Variants in SASS6 observed in about 807,000 individuals in gnomAD.
SASS6 encodes SAS-6 centriolar assembly protein.
Under a neutral mutation model 94.9 loss-of-function variants are expected in SASS6, and 59 were observed. The ratio of observed to expected loss-of-function variants is 0.62; its 90% CI spans 0.50 to 0.77. The LOEUF is 0.77. SASS6 is among the 30% of genes least tolerant of loss of function. The pLI is 0.00. For synonymous variants in SASS6, 264 were observed against 270.0 expected, an observed-to-expected ratio of 0.98 and a Z score of 0.22; for missense variants, 698 against 734.1, an observed-to-expected ratio of 0.95 and a Z score of 0.57.
chr1:100,099,867 G>C (rs1375816291), intron 14 of SASS6, among the ~76,000 whole-genome samples: 1 of 152,054 alleles, frequency 6.6e-6, no homozygotes, highest in Non-Finnish European at 1.5e-5. Context: ...CTTTCAACCA[G>C]ATTAAAAGAA....
chr1:100,109,393 A>G (rs935268042), intron 8 of SASS6, among the ~76,000 whole-genome samples: 1 of 152,070 alleles, frequency 6.6e-6, no homozygotes, highest in Admixed American at 6.6e-5. Context: ...AATAATTCAT[A>G]TGACAATAAT....
intron 7 of SASS6, among the ~76,000 whole-genome samples, chr1:100,117,636 G>C (rs1653895555): frequency 6.6e-6 from 1 of 150,822 alleles, no homozygotes. Context: ...CTGAGCGACA[G>C]AGCGAGACTC....
Position 100,107,419 on chromosome 1 carries a change from C to CTT in SASS6, c.1279_1280dup (p.Glu428ArgfsTer24). On this transcript the variant is annotated frameshift_variant, in exon 11 of 17. Coordinates refer to ENST00000287482, the MANE Select transcript of SASS6 (RefSeq NM_194292.3). LOFTEE classifies it high-confidence loss of function. ...GAGACTGTCCAACATCTTGTAATTC[C>CTT]TTTTGTTCCTTTTGTAATTTTTCCT... 1 of 1,609,320 alleles carries CTT rather than the reference C, an allele frequency of 6.2e-7. No homozygotes were observed. The highest frequency in any genetic ancestry group is 8.5e-7 in the Non-Finnish European group (1 of 1,176,242).
rs536556759 is a variant in SASS6, at chr1:100,132,660, A to T, written c.65+90T>A. On this transcript the variant is annotated intron_variant, in intron 1 of 16. Coordinates refer to ENST00000287482, the MANE Select transcript of SASS6 (RefSeq NM_194292.3). ...GGGGGCCGACTCGACACCTAGGTGCAAGGTGGATCCCACGGGCCAGAACCG... is the reference window on the plus strand; with the variant it reads ...GGGGGCCGACTCGACACCTAGGTGCTAGGTGGATCCCACGGGCCAGAACCG... 5 of 1,080,296 alleles carry T rather than the reference A, an allele frequency of 4.6e-6. No individual in the cohort carries two copies. In the South Asian group the frequency reaches 6.2e-5, roughly 13 times the overall value. The allele number at this position is 1,080,296 out of a possible 1,614,324, so 66.9% of individuals were successfully genotyped here.
In SASS6 at chr1:100,083,904, C is replaced by G. The variant is rs1399846726; in HGVS notation, c.*1424G>C. Reference sequence around the variant, plus strand: ...TATATATATTACATAGTATTTACAACAAAGCCCCTTCCATAGTATTTACAA... The same window carrying G: ...TATATATATTACATAGTATTTACAAGAAAGCCCCTTCCATAGTATTTACAA... On this transcript the variant is annotated 3_prime_UTR_variant, in exon 17 of 17. Coordinates refer to ENST00000287482, the MANE Select transcript of SASS6 (RefSeq NM_194292.3). 3 of 150,686 alleles carry G rather than the reference C, an allele frequency of 2.0e-5. No homozygotes were observed. Among genetic ancestry groups the G allele is most frequent in the African/African-American group, 5.0e-5 (2 of 40,250 alleles). 9.3% of individuals were successfully genotyped at this position (150,686 alleles called of 1,614,324 possible). A position where few individuals can be genotyped will look rare whatever the true frequency, so the allele number is the denominator to read the frequency against.
chr1:100,097,692 G>A (rs1044429624), intron 14 of SASS6, among the ~76,000 whole-genome samples: 1 of 152,144 alleles, frequency 6.6e-6, no homozygotes, highest in Non-Finnish European at 1.5e-5. Context: ...ACCTGGGCAT[G>A]GTGGCACACA....
At chr1:100,126,331 T>A (rs1470230388) in intron 1 of SASS6, among the ~76,000 whole-genome samples, 1 of 152,228 alleles carries the variant, frequency 6.6e-6, no homozygotes, top group Non-Finnish European at 1.5e-5. Flanking sequence ...TTTTGAGGAT[T>A]AAATGAGGTA....
At chr1:100,092,611 T>C (rs139751899) in intron 14 of SASS6, among the ~76,000 whole-genome samples, 2 of 152,176 alleles carry the variant, frequency 1.3e-5, no homozygotes, top group African/African-American at 4.8e-5. Flanking sequence ...AGTCTCGCTC[T>C]GTCACCCAGG....
chr1:100,085,425 C>G lies in SASS6; in HGVS notation c.1877G>C (p.Arg626Thr), dbSNP rs754276622. 20 of 1,607,440 alleles carry G rather than the reference C, an allele frequency of 1.2e-5. No individual in the cohort carries two copies. The highest frequency in any genetic ancestry group is 1.5e-5 in the Non-Finnish European group (18 of 1,174,084). Residue 626 changes from arginine (R) to threonine (T), a missense_variant, in exon 17 of 17, where the codon AGA (arginine) becomes ACA (threonine). Transcript: ENST00000287482. ...QNLFSNSDHQ[R>T]DGTLGALHTS... ...ATGTAATGCTCCTAAAGTGCCATCT[C>G]TCTGATGGTCTGCAAATGAGGACAA...
chr1:100,102,938 T>C lies in SASS6; in HGVS notation c.1674+17A>G. 1 of 1,593,648 alleles carries C rather than the reference T, an allele frequency of 6.3e-7. No homozygotes were observed. The highest frequency in any genetic ancestry group is 8.6e-7 in the Non-Finnish European group (1 of 1,168,762). On this transcript the variant is annotated intron_variant, in intron 14 of 16. Coordinates refer to ENST00000287482, the MANE Select transcript of SASS6 (RefSeq NM_194292.3). ...GCTATATTTTTTCCCAGAACAAGTA[T>C]TAGTTAATTTGGCTACCTTTGTTCC...
In SASS6 at chr1:100,107,945, A is replaced by T. The variant is rs202147382; in HGVS notation, c.921T>A (p.Asp307Glu). Residue 307 changes from aspartate to glutamate, a missense_variant, in exon 9 of 17, where the codon GAT (aspartate) becomes GAA (glutamate). Asp to Glu is a conservative substitution (Grantham distance 45). Coordinates refer to ENST00000287482, the MANE Select transcript of SASS6 (RefSeq NM_194292.3). ...LSLRRENSTL[D>E]VECHEKEKHV... ...GCTTTTCTTTCTCGTGGCATTCAAC[A>T]TCTAGTGTAGAATTCTCTCTTCGCA... 2 of 1,612,968 alleles carry T rather than the reference A, an allele frequency of 1.2e-6. No homozygotes were observed.
At position 100,121,486 on chromosome 1, in the gene SASS6, C is replaced by T. The variant is rs1161552219; in HGVS notation, c.375G>A (p.Val125=). 1 of 1,597,966 alleles carries T rather than the reference C, an allele frequency of 6.3e-7. No homozygotes were observed. Among genetic ancestry groups the T allele is most frequent in the African/African-American group, 1.3e-5 (1 of 74,370 alleles). The part of the protein sequence containing the change: ...ILDNSPAFLN[V]VETNPFKHLT... ...GATGCTTAAAAGGATTTGTCTCTACCACATTTAAAAATGCAGGTGAGTTAT... is the reference window on the plus strand; with the variant it reads ...GATGCTTAAAAGGATTTGTCTCTACTACATTTAAAAATGCAGGTGAGTTAT... Residue 125 remains valine (V), a synonymous_variant, in exon 5 of 17, where the codon GTG becomes GTA. Coordinates refer to ENST00000287482, the MANE Select transcript of SASS6 (RefSeq NM_194292.3).
intron 14 of SASS6, among the ~76,000 whole-genome samples, chr1:100,094,928 T>C (rs1652011790): frequency 6.7e-6 from 1 of 149,834 alleles, no homozygotes; most frequent in Admixed American, 6.6e-5. Flanking sequence ...ATAAAAAGAA[T>C]ACACCATGAC....
chr1:100,094,215 T>C (rs1651957226), intron 14 of SASS6, among the ~76,000 whole-genome samples: 1 of 152,176 alleles, frequency 6.6e-6, no homozygotes, highest in Non-Finnish European at 1.5e-5. Context: ...ATTAAATGAT[T>C]TAATCCTGTG....
chr1:100,102,615 C>A (rs371316220), intron 14 of SASS6, among the ~76,000 whole-genome samples: 2 of 147,860 alleles, frequency 1.4e-5, no homozygotes, highest in African/African-American at 2.5e-5. Flanking sequence ...GAGGCAGAGG[C>A]TGCAGTGAGC....
At position 100,107,723 on chromosome 1, in the gene SASS6, A is replaced by C; in HGVS notation, c.1057-6T>G. On this transcript the variant is annotated splice_region_variant and splice_polypyrimidine_tract_variant and intron_variant, in intron 9 of 16. Coordinates refer to ENST00000287482, the MANE Select transcript of SASS6 (RefSeq NM_194292.3). ...CCATTTTCTTCTAAAACCACCTGATATATTTTTTAAAAACATGAATAATTA... is the reference window on the plus strand; with the variant it reads ...CCATTTTCTTCTAAAACCACCTGATCTATTTTTTAAAAACATGAATAATTA... 1 of 1,581,910 alleles carries C rather than the reference A, an allele frequency of 6.3e-7. No homozygotes were observed. The highest frequency in any genetic ancestry group is 8.6e-7 in the Non-Finnish European group (1 of 1,157,872).
At chr1:100,106,664 C>A (rs1325632054) in intron 12 of SASS6, among the ~76,000 whole-genome samples, 1 of 151,930 alleles carries the variant, frequency 6.6e-6, no homozygotes, top group Non-Finnish European at 1.5e-5. Context: ...CCAGCCTGGG[C>A]AACATGATAA....
intron 14 of SASS6, among the ~76,000 whole-genome samples, chr1:100,089,536 A>G (rs1288772266): frequency 6.6e-6 from 1 of 152,164 alleles, no homozygotes; most frequent in African/African-American, 2.4e-5. Flanking sequence ...GAAACATTAT[A>G]TATAAACATG....
intron 6 of SASS6, among the ~76,000 whole-genome samples, 155 bp downstream of exon 6, chr1:100,120,239 T>C (rs1654073789): frequency 6.6e-6 from 1 of 152,152 alleles, no homozygotes. Flanking sequence ...CAAATTAAGA[T>C]AATTAAGTGG....
Sources: allele counts gnomAD v4.1 joint callset (sites outside exome capture counted in the v4.1 genomes callset), GRCh38; gene constraint gnomAD v4.1.1; transcripts MANE v1.5; gene names NCBI Gene and HGNC (gene_info 2026-07-23, HGNC 2026-07-21).